Variants in CSMD3 observed in about 807,000 individuals in gnomAD.
The protein encoded by CSMD3 is CUB and Sushi multiple domains 3.
CSMD3 carries 177 observed loss-of-function variants against 435.2 expected under a neutral mutation model. The ratio of observed to expected loss-of-function variants is 0.41; its 90% CI spans 0.36 to 0.46. The LOEUF is 0.46. CSMD3 is among the 20% of genes least tolerant of loss of function. The pLI, the probability that CSMD3 is intolerant of heterozygous loss-of-function variation, is 0.34. For missense variants in CSMD3, 4,265 were observed against 4,504.6 expected (o/e 0.95, Z 1.52); for synonymous variants, 1,656 against 1,520.5 (o/e 1.09, Z -2.07).
intron 17 of CSMD3, 22 bp from the exon 18 acceptor site, chr8:112,656,363 G>A (rs759417802): frequency 6.4e-7 from 1 of 1,569,074 alleles, no homozygotes; most frequent in African/African-American, 1.4e-5. Flanking sequence ...AGACACATGT[G>A]AAAATATATT....
At chr8:112,276,618 C>T (rs1336969062) in intron 59 of CSMD3, among the ~76,000 whole-genome samples, 5 of 151,764 alleles carry the variant, frequency 3.3e-5, no homozygotes, top group Admixed American at 6.6e-5. Context: ...GAATTTGGTG[C>T]CCTGCATCCA....
chr8:113,203,210 T>C (rs898267124), intron 3 of CSMD3, among the ~76,000 whole-genome samples: 1 of 152,172 alleles, frequency 6.6e-6, no homozygotes, highest in Non-Finnish European at 1.5e-5. Context: ...ATTATATGTA[T>C]TGAAACATCA....
chr8:112,819,240 A>C (rs1291431491), intron 12 of CSMD3, among the ~76,000 whole-genome samples: 2 of 152,050 alleles, frequency 1.3e-5, no homozygotes, highest in Non-Finnish European at 2.9e-5. Flanking sequence ...GAGGAAATGA[A>C]AGGCTGTTTG....
chr8:113,390,221 A>G (rs1274695818), intron 1 of CSMD3, among the ~76,000 whole-genome samples: 1 of 151,720 alleles, frequency 6.6e-6, no homozygotes, highest in Non-Finnish European at 1.5e-5. Context: ...GGGCTTATTT[A>G]TTTCTATCCT....
intron 12 of CSMD3, among the ~76,000 whole-genome samples, chr8:112,809,628 T>C (rs1044356047): frequency 1.3e-5 from 2 of 152,162 alleles, no homozygotes; most frequent in Admixed American, 1.3e-4. Context: ...CTGGTAATAA[T>C]AGTTCCCACA....
intron 13 of CSMD3, among the ~76,000 whole-genome samples, chr8:112,774,267 C>T (rs2078192956): frequency 6.6e-6 from 1 of 151,936 alleles, no homozygotes; most frequent in Admixed American, 6.6e-5. Flanking sequence ...ACCTAATTGC[C>T]ACCAAATCTA....
chr8:112,268,550 T>G (rs1447624474), intron 59 of CSMD3, among the ~76,000 whole-genome samples: 2 of 152,354 alleles, frequency 1.3e-5, no homozygotes, highest in South Asian at 2.1e-4. Context: ...CTAATGGATA[T>G]TTTTGCATGT....
chr8:112,311,208 A>G, intron 49 of CSMD3, 42 bp from the exon 50 acceptor site: 1 of 1,523,736 alleles, frequency 6.6e-7, no homozygotes, highest in Non-Finnish European at 9.1e-7. Flanking sequence ...TTAATGAATC[A>G]GAAGTTATTA....
chr8:112,529,876 AC>A (rs1825353564), intron 27 of CSMD3, among the ~76,000 whole-genome samples: 2 of 152,204 alleles, frequency 1.3e-5, no homozygotes, highest in African/African-American at 2.4e-5. Flanking sequence ...TATCTGACAG[AC>A]AAATAAAAAT....
intron 13 of CSMD3, among the ~76,000 whole-genome samples, chr8:112,736,269 G>A (rs1469885568): frequency 6.6e-6 from 1 of 151,930 alleles, no homozygotes; most frequent in African/African-American, 2.4e-5. Context: ...TTAGTTTTCT[G>A]GGTTAAAATT....
rs374125907 is a variant in CSMD3 at position 112,227,382 on chromosome 8, A to G, written c.10964+1374T>C. Among the ~76,000 whole-genome samples the G allele has an allele frequency of 9.2e-5, 14 of 152,312 alleles. No individual in the cohort carries two copies. In the East Asian group the frequency reaches 2.1e-3, roughly 23 times the overall value. ...AGAATAAGCAAACAGATTTGCAGTTACCTGCAGCTGGATGAGGGGAGTGAG... is the reference window on the plus strand; with the variant it reads ...AGAATAAGCAAACAGATTTGCAGTTGCCTGCAGCTGGATGAGGGGAGTGAG... On this transcript the variant is annotated intron_variant, in intron 70 of 70. Transcript: ENST00000297405.
At position 113,125,743 on chromosome 8, in the gene CSMD3, G is replaced by C. The variant is rs538326400; in HGVS notation, c.710-26780C>G. On this transcript the variant is annotated intron_variant, in intron 4 of 70. Coordinates refer to ENST00000297405, the MANE Select transcript of CSMD3 (RefSeq NM_198123.2). Reference sequence around the variant, plus strand: ...AGACTGAGCATTGGATATTGGATTTGGCAACTTGAAAATCATTGGTGGCTT... The same window carrying C: ...AGACTGAGCATTGGATATTGGATTTCGCAACTTGAAAATCATTGGTGGCTT... Among the ~76,000 whole-genome samples the C allele has an allele frequency of 2.0e-5, 3 of 152,024 alleles. No homozygotes were observed. The East Asian group carries it at 5.8e-4, about 30-fold the overall frequency.
At chr8:112,782,747 A>C (rs905974448) in intron 13 of CSMD3, among the ~76,000 whole-genome samples, 8 of 152,102 alleles carry the variant, frequency 5.3e-5, no homozygotes, top group Non-Finnish European at 8.8e-5. Flanking sequence ...GCCTGGAATC[A>C]GATTTTTCAG....
chr8:113,403,228 A>G (rs1588668347), intron 1 of CSMD3, among the ~76,000 whole-genome samples: 1 of 151,410 alleles, frequency 6.6e-6, no homozygotes, highest in South Asian at 2.1e-4. Context: ...ATGATGAATA[A>G]TTAAACAACA....
At chr8:112,841,283 G>A (rs2080172615) in intron 11 of CSMD3, among the ~76,000 whole-genome samples, 1 of 151,390 alleles carries the variant, frequency 6.6e-6, no homozygotes, top group Admixed American at 6.6e-5. Context: ...TATGCCAAGG[G>A]CCCCTGTAAT....
At chr8:112,675,784 T>C (rs546184068) in intron 16 of CSMD3, among the ~76,000 whole-genome samples, 74 of 152,090 alleles carry the variant, frequency 4.9e-4, no homozygotes, top group African/African-American at 1.6e-3. Context: ...GGCAGCTGTG[T>C]TGAGAATAGA....
chr8:113,382,746 G>A (rs1588636330), intron 1 of CSMD3, among the ~76,000 whole-genome samples: 1 of 152,254 alleles, frequency 6.6e-6, no homozygotes. Flanking sequence ...TTGGGAGGCT[G>A]AGGTGAGAGG....
At chr8:112,430,159 A>T in intron 32 of CSMD3, among the ~76,000 whole-genome samples, 1 of 152,208 alleles carries the variant, frequency 6.6e-6, no homozygotes, top group Non-Finnish European at 1.5e-5. Context: ...GGAAGCGTCT[A>T]CAACCAGTTT....
At chr8:112,640,495 G>T (rs190514653) in intron 20 of CSMD3, among the ~76,000 whole-genome samples, 6 of 151,744 alleles carry the variant, frequency 4.0e-5, no homozygotes, top group Non-Finnish European at 7.4e-5. Context: ...ACACAACAAG[G>T]TTATCACTGC....
Sources: gnomAD v4.1 joint callset for allele counts (sites outside exome capture counted in the v4.1 genomes callset) on GRCh38, gnomAD v4.1.1 for gene constraint, MANE v1.5 for transcripts, NCBI Gene and HGNC (gene_info 2026-07-23, HGNC 2026-07-21) for gene names.